PBX1: variants seen among roughly 807,000 people sequenced by gnomAD.
PBX1 encodes the protein PBX homeobox 1.
PBX1 carries 6 observed loss-of-function variants against 53.4 expected under a neutral mutation model. The observed-to-expected ratio is 0.11, with a 90% CI of 0.06 to 0.22. The LOEUF is 0.22. PBX1 is among the 10% of genes least tolerant of loss of function. The probability of loss-of-function intolerance (pLI) is 1.00; values close to 1 mark genes in which losing one functional copy is unlikely to be tolerated. For synonymous variants in PBX1, 204 were observed against 212.3 expected (o/e 0.96, Z 0.34); for missense variants, 251 against 551.4 (o/e 0.46, Z 5.46).
intron 2 of PBX1, among the ~76,000 whole-genome samples, chr1:164,651,281 G>A (rs1659797827): frequency 6.6e-6 from 1 of 151,784 alleles, no homozygotes; most frequent in African/African-American, 2.4e-5. Context: ...TGGAGGCTGT[G>A]CAGAGGCGGG....
chr1:164,632,985 A>G (rs1477659639), intron 2 of PBX1, among the ~76,000 whole-genome samples: 1 of 152,228 alleles, frequency 6.6e-6, no homozygotes, highest in Non-Finnish European at 1.5e-5. Flanking sequence ...AAGAAAACCT[A>G]GAGTGGATAT....
intron 2 of PBX1, among the ~76,000 whole-genome samples, chr1:164,714,929 A>G (rs922308138): frequency 1.3e-5 from 2 of 152,128 alleles, no homozygotes; most frequent in South Asian, 2.1e-4. Flanking sequence ...ATTTAGTTCT[A>G]TGATGAAGCA....
chr1:164,609,356 C>G (rs572228755), intron 2 of PBX1, among the ~76,000 whole-genome samples: 2 of 152,108 alleles, frequency 1.3e-5, no homozygotes, highest in South Asian at 2.1e-4. Flanking sequence ...ATGTTAGGCA[C>G]ATTTTTTTGT....
intron 2 of PBX1, among the ~76,000 whole-genome samples, chr1:164,638,364 C>T (rs575761322): frequency 4.6e-5 from 7 of 152,322 alleles, no homozygotes; most frequent in Admixed American, 3.3e-4. Flanking sequence ...TAAAGTGATT[C>T]GTTTCCAAAC....
At chr1:164,699,069 A>G (rs1363780692) in intron 2 of PBX1, among the ~76,000 whole-genome samples, 1 of 152,218 alleles carries the variant, frequency 6.6e-6, no homozygotes, top group Non-Finnish European at 1.5e-5. Flanking sequence ...AAAGACCAGC[A>G]GACTGAGTCT....
chr1:164,833,176 G>A (rs1303131622), intron 8 of PBX1, among the ~76,000 whole-genome samples: 1 of 151,088 alleles, frequency 6.6e-6, no homozygotes, highest in African/African-American at 2.4e-5. Flanking sequence ...AGGCATCAGG[G>A]CAATAACCCT....
chr1:164,722,198 G>A (rs1664451522), intron 2 of PBX1, among the ~76,000 whole-genome samples: 1 of 152,134 alleles, frequency 6.6e-6, no homozygotes, highest in East Asian at 1.9e-4. Flanking sequence ...GCTCATTGAA[G>A]CCTTAATCTC....
At chr1:164,616,297 TG>T (rs11293117) in intron 2 of PBX1, among the ~76,000 whole-genome samples, 68,092 of 151,836 alleles carry the variant, frequency 0.45, 15,508 homozygotes, top group East Asian at 0.52. Flanking sequence ...CTGTGCCTTC[TG>T]CTGCCCTCTC....
At chr1:164,877,204 C>T (rs1672533877) in intron 2 of PBX1, among the ~76,000 whole-genome samples, 2 of 150,552 alleles carry the variant, frequency 1.3e-5, no homozygotes, top group African/African-American at 4.9e-5. Context: ...CAGGTTGGTC[C>T]ATTCAGATCA....
intron 2 of PBX1, among the ~76,000 whole-genome samples, chr1:164,659,484 C>T (rs1482435870): frequency 6.6e-6 from 1 of 152,196 alleles, no homozygotes; most frequent in Non-Finnish European, 1.5e-5. Flanking sequence ...CAAACATGTG[C>T]TGTACATCCA....
At position 164,620,495 on chromosome 1, in the gene PBX1, A is replaced by G. The variant is rs188499090; in HGVS notation, c.265+57184A>G. On this transcript the variant is annotated intron_variant, in intron 2 of 8. Coordinates refer to ENST00000420696, the MANE Select transcript of PBX1 (RefSeq NM_002585.4). ...GTGAGTATGTGGGTGTGTGTGTGCA[A>G]TCTTTTTTCTTTTTTGTTCCACCTC... Among the ~76,000 whole-genome samples, 411 of 151,994 alleles carry G rather than the reference A, an allele frequency of 2.7e-3. 2 individuals carry two copies. Among genetic ancestry groups the G allele is most frequent in the Non-Finnish European group, 4.4e-3 (300 of 67,954 alleles).
intron 8 of PBX1, among the ~76,000 whole-genome samples, chr1:164,842,819 A>C (rs1671367267): frequency 6.6e-6 from 1 of 152,130 alleles, no homozygotes; most frequent in African/African-American, 2.4e-5. Flanking sequence ...GAGTGTGTTC[A>C]TTATAAAGAA....
intron 2 of PBX1, among the ~76,000 whole-genome samples, chr1:164,625,039 T>A (rs1000158899): frequency 8.5e-5 from 13 of 152,330 alleles, no homozygotes; most frequent in African/African-American, 3.1e-4. Flanking sequence ...TAGTCAGAAT[T>A]GAACAGTTTT....
At chr1:164,812,583 C>T (rs1571454527) in intron 6 of PBX1, 1 of 154,220 alleles carries the variant, frequency 6.5e-6, no homozygotes, top group East Asian at 1.9e-4. Flanking sequence ...TATTAGCATG[C>T]ATTCTATGCA....
intron 2 of PBX1, among the ~76,000 whole-genome samples, chr1:164,619,903 G>T (rs183797322): frequency 2.0e-5 from 3 of 152,218 alleles, no homozygotes; most frequent in African/African-American, 7.2e-5. Context: ...GCCAGGCGCC[G>T]TGGCCCATGC....
chr1:164,816,021 T>G (rs1171177531), intron 6 of PBX1: 1 of 152,150 alleles, frequency 6.6e-6, no homozygotes, highest in Non-Finnish European at 1.5e-5. Context: ...CTTTAGTAAA[T>G]CCACAGGAAT....
intron 8 of PBX1, among the ~76,000 whole-genome samples, chr1:164,824,577 T>C (rs1427773769): frequency 6.6e-6 from 1 of 152,176 alleles, no homozygotes; most frequent in Non-Finnish European, 1.5e-5. Context: ...CTAGTGAGGA[T>C]AGGTTAGGAC....
intron 2 of PBX1, among the ~76,000 whole-genome samples, chr1:164,772,717 T>C (rs1176723691): frequency 1.3e-5 from 2 of 152,162 alleles, no homozygotes; most frequent in African/African-American, 2.4e-5. Context: ...GGCAGAGATA[T>C]CAGAATGAGG....
At chr1:164,709,862 G>A (rs909013492) in intron 2 of PBX1, among the ~76,000 whole-genome samples, 4 of 152,120 alleles carry the variant, frequency 2.6e-5, no homozygotes, top group Admixed American at 1.3e-4. Context: ...AAGTCGTCTC[G>A]GGTCCGGAGT....
Sources: allele counts gnomAD v4.1 joint callset (sites outside exome capture counted in the v4.1 genomes callset), GRCh38; gene constraint gnomAD v4.1.1; transcripts MANE v1.5; gene names NCBI Gene and HGNC (gene_info 2026-07-23, HGNC 2026-07-21).